VPS13C: variants seen among roughly 807,000 people sequenced by gnomAD.
The protein encoded by VPS13C is intermembrane lipid transfer protein VPS13C.
A neutral mutation model predicts 456.8 loss-of-function variants in VPS13C; 358 were observed. The observed-to-expected ratio is 0.78, with a 90% confidence interval of 0.72 to 0.86. The LOEUF (loss-of-function observed/expected upper bound fraction) is 0.86. VPS13C is among the 40% of genes least tolerant of loss of function. The pLI is 0.00. For synonymous variants in VPS13C, 1,578 were observed against 1,486.7 expected, an observed-to-expected ratio of 1.06 and a Z score of -1.41; for missense variants, 4,818 against 4,385.4, an observed-to-expected ratio of 1.10 and a Z score of -2.79.
intron 16 of VPS13C, among the ~76,000 whole-genome samples, chr15:61,996,998 C>CATACATATATATATATATATAT (rs1555437505): frequency 6.9e-6 from 1 of 145,536 alleles, no homozygotes; most frequent in African/African-American, 2.6e-5. Flanking sequence ...TACATACATA[C>CATACATATATATATATATATAT]ATATATATAT....
At position 61,931,076 on chromosome 15, in the gene VPS13C, C is replaced by A. The variant is rs376987826; in HGVS notation, c.6038+14G>T. On this transcript the variant is annotated intron_variant, in intron 50 of 84. Coordinates refer to ENST00000644861, the MANE Select transcript of VPS13C (RefSeq NM_020821.3). ...AACCTTAAATAATGTATTGCAAACT[C>A]AGAGCTGACAAACCTCGATGTTGCT... is the stretch of plus-strand genomic sequence containing the variant. 5.9e-5 allele frequency: 96 copies of A among 1,613,758 alleles called. No homozygotes were observed. The African/African-American group carries it at 1.1e-3, about 19-fold the overall frequency.
chr15:61,961,591 A>C lies in VPS13C; in HGVS notation c.3906T>G (p.Tyr1302Ter). The C allele has an allele frequency of 6.3e-7, 1 of 1,582,358 alleles. No individual in the cohort carries two copies. Among genetic ancestry groups the C allele is most frequent in the Non-Finnish European group, 8.6e-7 (1 of 1,165,346 alleles). The change falls in exon 35 of 85, where the codon TAT becomes TAG. Residue 1302 changes from tyrosine to a stop codon, truncating the protein, a stop_gained and splice_region_variant. Coordinates refer to ENST00000644861, the MANE Select transcript of VPS13C (RefSeq NM_020821.3). LOFTEE classifies it high-confidence loss of function. ...CCATAATTATTGAAAGAGCATACCTATAAAGTGTAAGCTTTGTTAGCTGCA... is the reference window on the plus strand; with the variant it reads ...CCATAATTATTGAAAGAGCATACCTCTAAAGTGTAAGCTTTGTTAGCTGCA... ...MDVQLTKLTL[Y>*]RTVIQPGIYH...
chr15:62,008,422 C>A (rs1442105224), intron 14 of VPS13C, among the ~76,000 whole-genome samples: 1 of 151,792 alleles, frequency 6.6e-6, no homozygotes, highest in African/African-American at 2.4e-5. Flanking sequence ...ATTTGGGAAC[C>A]TAGGAGCAGA....
rs1229343306 is a variant in VPS13C, at chr15:61,931,070, C to T, written c.6038+20G>A. 1 of 1,613,308 alleles carries T rather than the reference C, an allele frequency of 6.2e-7. No individual in the cohort carries two copies. The highest frequency in any genetic ancestry group is 8.5e-7 in the Non-Finnish European group (1 of 1,179,924). The stretch of plus-strand genomic sequence containing the variant: ...AATGTCAACCTTAAATAATGTATTG[C>T]AAACTCAGAGCTGACAAACCTCGAT... On this transcript the variant is annotated intron_variant, in intron 50 of 84. Transcript: ENST00000644861.
intron 81 of VPS13C, among the ~76,000 whole-genome samples, chr15:61,868,196 AT>A (rs1195842039): frequency 3.3e-5 from 5 of 151,942 alleles, no homozygotes; most frequent in African/African-American, 4.8e-5. Flanking sequence ...AAGCTCTTAA[AT>A]TTTTTTTAAG....
At chr15:61,898,443 G>T (rs1198160392) in intron 66 of VPS13C, among the ~76,000 whole-genome samples, 2 of 150,786 alleles carry the variant, frequency 1.3e-5, no homozygotes, top group Admixed American at 6.6e-5. Context: ...AAAAGGCAGG[G>T]GTTGCAATCC....
intron 66 of VPS13C, among the ~76,000 whole-genome samples, chr15:61,895,154 T>G (rs981896681): frequency 6.6e-6 from 1 of 152,022 alleles, no homozygotes; most frequent in Admixed American, 6.6e-5. Flanking sequence ...AAAAATTTTC[T>G]TAAAACAAAT....
chr15:61,884,332 C>A, intron 67 of VPS13C, 63 bp from the exon 68 acceptor site: 1 of 1,506,572 alleles, frequency 6.6e-7, no homozygotes, highest in South Asian at 1.3e-5. Flanking sequence ...GAACTTTATT[C>A]AACTCCAGAT....
chr15:61,909,194 T>C, intron 64 of VPS13C, 69 bp from the exon 65 acceptor site: 2 of 1,573,846 alleles, frequency 1.3e-6, no homozygotes, highest in Non-Finnish European at 8.6e-7. Flanking sequence ...GGAATTTCAA[T>C]ATTACGTAAA....
chr15:61,985,101 A>C, intron 18 of VPS13C, 102 bp from the exon 19 acceptor site: 2 of 962,350 alleles, frequency 2.1e-6, no homozygotes, highest in Non-Finnish European at 2.8e-6. Flanking sequence ...GCAACCTAAC[A>C]AATACAGCAT....
In VPS13C at chr15:61,930,287, A is replaced by C. The variant is rs566877994; in HGVS notation, c.6039-539T>G. ...CTACGTCCTCCCATGAACTGGAAAAAGCAGGCTACCTAACAGATGATAGCA... is the reference window on the plus strand; with the variant it reads ...CTACGTCCTCCCATGAACTGGAAAACGCAGGCTACCTAACAGATGATAGCA... On this transcript the variant is annotated intron_variant, in intron 50 of 84. Transcript: ENST00000644861. Among the ~76,000 whole-genome samples the C allele has an allele frequency of 1.6e-4, 24 of 152,318 alleles. No individual in the cohort carries two copies. In the East Asian group the frequency reaches 4.6e-3, roughly 29 times the overall value.
intron 1 of VPS13C, among the ~76,000 whole-genome samples, chr15:62,058,922 G>C (rs1033873361): frequency 1.0e-5 from 1 of 99,122 alleles, no homozygotes; most frequent in African/African-American, 3.8e-5. Flanking sequence ...GTCTCAAAAA[G>C]ACAAGCCAAA....
chr15:62,014,305 T>C (rs538143769), intron 9 of VPS13C, among the ~76,000 whole-genome samples: 2 of 152,258 alleles, frequency 1.3e-5, no homozygotes, highest in East Asian at 1.9e-4. Flanking sequence ...GAATATGGTA[T>C]ACATTCTTTT....
rs531174889 is a variant in VPS13C, at chr15:61,993,453, T to C, written c.1354-1651A>G. On this transcript the variant is annotated intron_variant, in intron 16 of 84. Coordinates refer to ENST00000644861, the MANE Select transcript of VPS13C (RefSeq NM_020821.3). ...AATATCCTAAGAGAAATCAAGATAG[T>C]ATGGCGACAAACCCCAACATTCAAC... Among the ~76,000 whole-genome samples the C allele has an allele frequency of 5.3e-5, 8 of 152,218 alleles. No individual in the cohort carries two copies. In the South Asian group the frequency reaches 1.7e-3, roughly 32 times the overall value.
At chr15:61,964,484 C>T (rs1222465276) in intron 31 of VPS13C, among the ~76,000 whole-genome samples, 4 of 152,020 alleles carry the variant, frequency 2.6e-5, no homozygotes, top group African/African-American at 9.7e-5. Flanking sequence ...GGGCTTCCTA[C>T]ACCACCACCA....
chr15:61,968,428 C>G (rs1445294537), intron 28 of VPS13C, among the ~76,000 whole-genome samples: 2 of 152,004 alleles, frequency 1.3e-5, no homozygotes, highest in African/African-American at 4.8e-5. Context: ...TATGAAAATA[C>G]AATGCCATTT....
intron 45 of VPS13C, among the ~76,000 whole-genome samples, chr15:61,942,634 A>G (rs1159176310): frequency 7.1e-6 from 1 of 141,644 alleles, no homozygotes; most frequent in Non-Finnish European, 1.5e-5. Context: ...AAATTTATTT[A>G]TAATAAGATG....
intron 1 of VPS13C, among the ~76,000 whole-genome samples, chr15:62,046,876 CT>C (rs1336890748): frequency 6.6e-6 from 1 of 152,006 alleles, no homozygotes; most frequent in Non-Finnish European, 1.5e-5. Flanking sequence ...TTTAGACAGA[CT>C]GTCAGACAAA....
At chr15:62,037,282 T>TAA (rs1567136679) in intron 3 of VPS13C, among the ~76,000 whole-genome samples, 68 of 48,630 alleles carry the variant, frequency 1.4e-3, no homozygotes, top group African/African-American at 5.3e-3. Flanking sequence ...TAATATATTA[T>TAA]ATATATTATA....
Sources: gnomAD v4.1 joint callset for allele counts (sites outside exome capture counted in the v4.1 genomes callset) on GRCh38, gnomAD v4.1.1 for gene constraint, MANE v1.5 for transcripts, NCBI Gene and HGNC (gene_info 2026-07-23, HGNC 2026-07-21) for gene names.